Variants in CHGB observed in about 807,000 individuals in gnomAD.
The protein encoded by CHGB is chromogranin B, also known as secretogranin-1.
Under a neutral mutation model 69.9 loss-of-function variants are expected in CHGB, and 46 were observed. The observed-to-expected ratio is 0.66, with a 90% confidence interval of 0.52 to 0.84. The LOEUF (loss-of-function observed/expected upper bound fraction) is 0.84. CHGB is among the 40% of genes least tolerant of loss of function. The pLI is 0.00. For synonymous variants in CHGB, 312 were observed against 298.2 expected (o/e 1.05, Z -0.48); for missense variants, 796 against 822.2 (o/e 0.97, Z 0.39).
In CHGB at chr20:5,923,453, G is replaced by T. The variant is rs773512156; in HGVS notation, c.1309G>T (p.Glu437Ter). 6.2e-7 allele frequency: 1 copy of T among 1,614,166 alleles called. No individual in the cohort carries two copies. The highest frequency in any genetic ancestry group is 1.1e-5 in the South Asian group (1 of 91,084). ...CTATTTCATGTCTGACACCAGAGAA[G>T]AGAAAAGGTTCTTGGGTGAAGGACA... is the stretch of plus-strand genomic sequence containing the variant. Reference protein sequence around the residue: ...RAYFMSDTREEKRFLGEGHHR... With the variant: ...RAYFMSDTRE The change falls in exon 4 of 5, where the codon GAG (glutamate) becomes TAG (stop). Residue 437 changes from glutamate to a stop codon, truncating the protein, a stop_gained. Transcript: ENST00000378961. LOFTEE classifies it high-confidence loss of function.
Position 5,925,183 on chromosome 20 carries a change from A to G in CHGB, c.*134A>G, listed in dbSNP as rs2088542914. The stretch of plus-strand genomic sequence containing the variant: ...TACTATTCATTAAATGTTTGACACA[A>G]TTGGAATTGTCTTTAATTTCTGTCA... On this transcript the variant is annotated 3_prime_UTR_variant, in exon 5 of 5. Transcript: ENST00000378961. The G allele has an allele frequency of 3.6e-6, 2 of 555,552 alleles. No homozygotes were observed. The highest frequency in any genetic ancestry group is 6.3e-6 in the Non-Finnish European group (2 of 315,176). 34.4% of individuals were successfully genotyped at this position (555,552 alleles called of 1,614,324 possible).
At chr20:5,922,209 T>C in intron 3 of CHGB, 126 bp from the exon 4 acceptor site, 1 of 1,285,488 alleles carries the variant, frequency 7.8e-7, no homozygotes, top group South Asian at 2.1e-5. Flanking sequence ...AGTATATTCT[T>C]CATTAACTTA....
Position 5,922,660 on chromosome 20 carries a change from C to G in CHGB, c.516C>G (p.Asn172Lys). 1.9e-6 allele frequency: 3 copies of G among 1,613,794 alleles called. No individual in the cohort carries two copies. Among genetic ancestry groups the G allele is most frequent in the Non-Finnish European group, 2.5e-6 (3 of 1,179,876 alleles). Reference sequence around the variant, plus strand: ...ATGAGGAGGAGGAGGAGGGAGAGAACTATCAAAAAGGGGAGCGAGGGGAAG... The same window carrying G: ...ATGAGGAGGAGGAGGAGGGAGAGAAGTATCAAAAAGGGGAGCGAGGGGAAG... ...REDEEEEEGE[N>K]YQKGERGEDS... The change falls in exon 4 of 5, where the codon AAC becomes AAG. Residue 172 changes from asparagine (N) to lysine (K), a missense_variant. Coordinates refer to ENST00000378961, the MANE Select transcript of CHGB (RefSeq NM_001819.3).
intron 3 of CHGB, among the ~76,000 whole-genome samples, chr20:5,918,583 C>T (rs867106892): frequency 1.3e-4 from 19 of 151,808 alleles, no homozygotes; most frequent in Middle Eastern, 6.8e-3. Flanking sequence ...GAGGCTGAGG[C>T]GGGCGGATCA....
chr20:5,917,003 T>A (rs2088479620), intron 3 of CHGB, 84 bp downstream of exon 3: 3 of 1,252,268 alleles, frequency 2.4e-6, no homozygotes, highest in African/African-American at 1.5e-5. Flanking sequence ...CTACTTTATC[T>A]ACAAATGACC....
chr20:5,924,090 C>T lies in CHGB; in HGVS notation c.1946C>T (p.Thr649Ile). ...GACAGGGCTGACCAGACAGTCCTGA[C>T]AGAGGACGAGGTATGGTCTAGGGCT... ...EKDRADQTVL[T>I]EDEKKELENL... is the part of the protein sequence containing the mutation. Residue 649 changes from threonine to isoleucine, a missense_variant, in exon 4 of 5, where the codon ACA (threonine) becomes ATA (isoleucine). Coordinates refer to ENST00000378961, the MANE Select transcript of CHGB (RefSeq NM_001819.3). 2 of 1,609,006 alleles carry T rather than the reference C, an allele frequency of 1.2e-6. No homozygotes were observed. Among genetic ancestry groups the T allele is most frequent in the Non-Finnish European group, 8.5e-7 (1 of 1,177,344 alleles).
At chr20:5,915,195 G>A (rs981151795) in intron 1 of CHGB, among the ~76,000 whole-genome samples, 5 of 152,094 alleles carry the variant, frequency 3.3e-5, no homozygotes, top group African/African-American at 1.2e-4. Flanking sequence ...CAAAGTCAAA[G>A]TGAAAAAAGA....
At chr20:5,914,719 G>A (rs968473185) in intron 1 of CHGB, 7 of 152,312 alleles carry the variant, frequency 4.6e-5, no homozygotes, top group African/African-American at 1.4e-4. Context: ...GAACAGTTGA[G>A]TATATTGGAC....
rs758683484 is a variant in CHGB at position 5,923,621 on chromosome 20, A to C, written c.1477A>C (p.Lys493Gln). The C allele has an allele frequency of 4.3e-6, 7 of 1,614,032 alleles. No individual in the cohort carries two copies. Among genetic ancestry groups the C allele is most frequent in the Non-Finnish European group, 5.1e-6 (6 of 1,180,038 alleles). Residue 493 changes from lysine to glutamine, a missense_variant, in exon 4 of 5, where the codon AAA becomes CAA. Lys to Gln is a moderately conservative substitution (Grantham distance 53). Around this residue, in one of 3 missense-constraint regions of CHGB, gnomAD observed 274 missense variants for 298.9 expected, o/e 0.92. Transcript: ENST00000378961. ...GCAGCAGGGAGACCTGCAGGACACT[A>C]AAGAAAACAGGGAGGAAGCTAGGTT... Reference protein sequence around the residue: ...WQQQGDLQDTKENREEARFQD... With the variant: ...WQQQGDLQDTQENREEARFQD...
chr20:5,922,196 CTG>C (rs2088517775), intron 3 of CHGB, 137 bp from the exon 4 acceptor site: 2 of 1,170,616 alleles, frequency 1.7e-6, no homozygotes, highest in Admixed American at 3.3e-5. Flanking sequence ...CAAAAGGAAT[CTG>C]AGTATATTCT....
Position 5,924,040 on chromosome 20 carries a change from C to T in CHGB, c.1896C>T (p.Thr632=). 6.2e-7 allele frequency: 1 copy of T among 1,613,620 alleles called. No homozygotes were observed. The highest frequency in any genetic ancestry group is 8.5e-7 in the Non-Finnish European group (1 of 1,179,780). Residue 632 remains threonine, a synonymous_variant, in exon 4 of 5, where the codon ACC becomes ACT. Transcript: ENST00000378961. The stretch of plus-strand genomic sequence containing the variant: ...ATGATTCTGAGGAGCCGGTGAGCAC[C>T]CACCAGGAGGCAGAAAATGAAAAGG... ...DFYDSEEPVS[T]HQEAENEKDR...
Position 5,924,157 on chromosome 20 carries a change from T to C in CHGB, c.1956+57T>C, listed in dbSNP as rs2122579364. The stretch of plus-strand genomic sequence containing the variant: ...TACTCTGGTCAATGTTAGCACATTA[T>C]GTTCAAGACTATCCGATATTCACGG... On this transcript the variant is annotated intron_variant, in intron 4 of 4. Coordinates refer to ENST00000378961, the MANE Select transcript of CHGB (RefSeq NM_001819.3). 2.0e-6 allele frequency: 3 copies of C among 1,482,536 alleles called. No individual in the cohort carries two copies. The South Asian group carries it at 4.2e-5, about 21-fold the overall frequency. The allele number at this position is 1,482,536 out of a possible 1,614,324, so 91.8% of individuals were successfully genotyped here.
chr20:5,924,739 C>A (rs1218027293), intron 4 of CHGB, among the ~76,000 whole-genome samples: 3 of 152,140 alleles, frequency 2.0e-5, no homozygotes, highest in Non-Finnish European at 4.4e-5. Flanking sequence ...GGATTCCTAG[C>A]CCCCAGAGTT....
chr20:5,924,872 C>T (rs182862372), intron 4 of CHGB, 100 bp from the exon 5 acceptor site: 95 of 673,034 alleles, frequency 1.4e-4, no homozygotes, highest in Non-Finnish European at 2.1e-4. Context: ...AATGCAGCTT[C>T]TAACATGCCT....
At chr20:5,920,414 T>C (rs1296220206) in intron 3 of CHGB, among the ~76,000 whole-genome samples, 1 of 151,946 alleles carries the variant, frequency 6.6e-6, no homozygotes, top group South Asian at 2.1e-4. Flanking sequence ...CTTAAACAAC[T>C]AACATTTATT....
chr20:5,922,106 G>A lies in CHGB; in HGVS notation c.191-229G>A, dbSNP rs4815875. Among the ~76,000 whole-genome samples the A allele has an allele frequency of 5.4e-3, 821 of 152,138 alleles. 25 individuals are homozygous for A. Among genetic ancestry groups the A allele is most frequent in the Admixed American group, 0.034 (524 of 15,280 alleles). On this transcript the variant is annotated intron_variant, in intron 3 of 4. Transcript: ENST00000378961. ...TAGTACCAATGAGAGAAGCTGGCTG[G>A]GCATTATGAAGACATAAAAATATAG...
chr20:5,919,374 C>T (rs557129854), intron 3 of CHGB, among the ~76,000 whole-genome samples: 4 of 152,210 alleles, frequency 2.6e-5, no homozygotes, highest in African/African-American at 4.8e-5. Flanking sequence ...GCTGAGATGG[C>T]GAAGGTTTAA....
In CHGB at chr20:5,924,113, G is replaced by A; in HGVS notation, c.1956+13G>A. The A allele has an allele frequency of 1.3e-6, 2 of 1,578,190 alleles. No individual in the cohort carries two copies. The highest frequency in any genetic ancestry group is 1.7e-6 in the Non-Finnish European group (2 of 1,163,294). On this transcript the variant is annotated intron_variant, in intron 4 of 4. Transcript: ENST00000378961. The stretch of plus-strand genomic sequence containing the variant: ...GACAGAGGACGAGGTATGGTCTAGG[G>A]CTTCTGTTTAAAAGTACTTACTCTG...
chr20:5,916,297 T>C, intron 1 of CHGB, 29 bp from the exon 2 acceptor site: 2 of 1,606,824 alleles, frequency 1.2e-6, no homozygotes, highest in Non-Finnish European at 1.7e-6. Context: ...CCAACTCAAG[T>C]CATTTTCCAT....
Sources: allele counts gnomAD v4.1 joint callset (sites outside exome capture counted in the v4.1 genomes callset), GRCh38; gene constraint gnomAD v4.1.1; regional missense constraint gnomAD v4.1.1; transcripts MANE v1.5; gene names NCBI Gene and HGNC (gene_info 2026-07-23, HGNC 2026-07-21).